The following HMGXB3 variants were observed in gnomAD, a reference collection of about 807,000 sequenced individuals.
The protein encoded by HMGXB3 is HMG-box containing 3.
In HMGXB3, 45 loss-of-function variants were observed where a neutral mutation model predicts 121.5. That is an observed-to-expected ratio of 0.37 (90% CI 0.29 to 0.47). HMGXB3 has a LOEUF of 0.47. Among genes scored for constraint, HMGXB3 ranks in the 20% least tolerant of loss-of-function variants. The probability of loss-of-function intolerance (pLI) is 0.99; values close to 1 mark genes in which losing one functional copy is unlikely to be tolerated. For synonymous variants in HMGXB3, 590 were observed against 624.1 expected, an observed-to-expected ratio of 0.95 and a Z score of 0.81; for missense variants, 1,376 against 1,602.2, an observed-to-expected ratio of 0.86 and a Z score of 2.41.
At chr5:150,033,918 G>A (rs1217096741) in intron 11 of HMGXB3, among the ~76,000 whole-genome samples, 1 of 152,170 alleles carries the variant, frequency 6.6e-6, no homozygotes, top group Non-Finnish European at 1.5e-5. Flanking sequence ...ACCAAAGTAT[G>A]TGGGCACTAA....
chr5:150,041,254 T>A lies in HMGXB3; in HGVS notation c.2545+375T>A, dbSNP rs574473769. On this transcript the variant is annotated intron_variant, in intron 14 of 19. Transcript: ENST00000502717. The stretch of plus-strand genomic sequence containing the variant: ...CTAAGAGTGAGGACCATCCTTTCTG[T>A]CTAGAATATTTTTCCTCCATGCCCT... 4.6e-5 allele frequency among the ~76,000 whole-genome samples: 7 copies of A among 152,304 alleles called. No homozygotes were observed. The South Asian group carries it at 1.4e-3, about 32-fold the overall frequency.
intron 6 of HMGXB3, chr5:150,022,038 C>T: frequency 3.5e-6 from 1 of 281,898 alleles, no homozygotes; most frequent in Admixed American, 4.5e-5. Context: ...ATGACTGTGT[C>T]TTCCTCAAAG....
At chr5:150,041,408 C>G (rs1020197121) in intron 14 of HMGXB3, among the ~76,000 whole-genome samples, 3 of 152,234 alleles carry the variant, frequency 2.0e-5, no homozygotes, top group Non-Finnish European at 4.4e-5. Flanking sequence ...AGTCTTGGCT[C>G]TGCCACTGTT....
At chr5:150,014,914 A>G (rs1581249720) in intron 5 of HMGXB3, 15 of 868,110 alleles carry the variant, frequency 1.7e-5, no homozygotes, top group African/African-American at 3.6e-5. Context: ...CACCTTCGCT[A>G]TCTTCCTGAT....
chr5:150,040,149 T>C (rs928074869), intron 13 of HMGXB3, among the ~76,000 whole-genome samples: 1 of 152,092 alleles, frequency 6.6e-6, no homozygotes, highest in African/African-American at 2.4e-5. Context: ...TTTTTTTTAT[T>C]GGGGGAAAAA....
chr5:150,025,551 CTTGT>C (rs1235249275), intron 7 of HMGXB3, among the ~76,000 whole-genome samples: 1 of 151,580 alleles, frequency 6.6e-6, no homozygotes, highest in Non-Finnish European at 1.5e-5. Context: ...ACTTCTACAT[CTTGT>C]TTTTTATTTT....
rs1213669488 is a variant in HMGXB3, at chr5:150,001,154, G to A, written c.-28G>A. On this transcript the variant is annotated 5_prime_UTR_variant, in exon 1 of 20. Transcript: ENST00000502717. ...GGGCCAAGCGCCTCCGGGAATGTGA[G>A]CGGCGCAGCTTGCACGCTCCTCCGG... The A allele has an allele frequency of 6.5e-6, 1 of 153,256 alleles. No individual in the cohort carries two copies. The highest frequency in any genetic ancestry group is 1.5e-5 in the Non-Finnish European group (1 of 68,238). The allele number at this position is 153,256 out of a possible 1,614,324, so 9.5% of individuals were successfully genotyped here.
At chr5:150,032,747 A>C in intron 11 of HMGXB3, 144 bp downstream of exon 11, 1 of 947,724 alleles carries the variant, frequency 1.1e-6, no homozygotes, top group Non-Finnish European at 1.6e-6. Context: ...TCTGAACCTG[A>C]GCAAGTGCCG....
Position 150,052,118 on chromosome 5 carries a change from C to A in HMGXB3, c.3805C>A (p.Leu1269Ile), listed in dbSNP as rs1446359756. The change falls in exon 20 of 20, where the codon CTT (leucine) becomes ATT (isoleucine). Residue 1269 changes from leucine (L) to isoleucine (I), a missense_variant. Around this residue, in one of 2 missense-constraint regions of HMGXB3, gnomAD observed 260 missense variants for 233.2 expected, o/e 1.11. Coordinates refer to ENST00000502717, the MANE Select transcript of HMGXB3 (RefSeq NM_014983.3). ...EVVIRDTLYR[L>I]GVAQIKTETE... ...GGTCATTCGTGACACCCTCTACCGC[C>A]TTGGGGTTGCTCAGATCAAGACAGA... 2 of 1,551,672 alleles carry A rather than the reference C, an allele frequency of 1.3e-6. No homozygotes were observed. The highest frequency in any genetic ancestry group is 1.7e-6 in the Non-Finnish European group (2 of 1,147,028).
Position 150,041,902 on chromosome 5 carries a change from G to T in HMGXB3, c.2663G>T (p.Gly888Val). 2 of 1,551,776 alleles carry T rather than the reference G, an allele frequency of 1.3e-6. No individual in the cohort carries two copies. The highest frequency in any genetic ancestry group is 1.7e-6 in the Non-Finnish European group (2 of 1,147,002). ...AATGACATGATCTGTGGCATCTGTG[G>T]TGTGGCCCCCAAAGTGGAAATGGCT... ...DYNDMICGIC[G>V]VAPKVEMAQR... The change falls in exon 15 of 20, where the codon GGT becomes GTT. Residue 888 changes from glycine to valine, a missense_variant. Coordinates refer to ENST00000502717, the MANE Select transcript of HMGXB3 (RefSeq NM_014983.3).
Position 150,024,681 on chromosome 5 carries a change from G to C in HMGXB3, c.1460+1G>C. On this transcript the variant is annotated splice_donor_variant, in intron 7 of 19. Transcript: ENST00000502717. LOFTEE classifies it high-confidence loss of function. ...TCCCTGCTCCTAAAAAACCTACAGG[G>C]TAAGTCAGTGTGTTTGTATAATATA... is the stretch of plus-strand genomic sequence containing the variant. 1 of 1,536,738 alleles carries C rather than the reference G, an allele frequency of 6.5e-7. No individual in the cohort carries two copies. Among genetic ancestry groups the C allele is most frequent in the Non-Finnish European group, 8.8e-7 (1 of 1,139,764 alleles).
intron 18 of HMGXB3, among the ~76,000 whole-genome samples, chr5:150,048,985 A>T (rs1175735159): frequency 1.3e-5 from 2 of 152,198 alleles, no homozygotes; most frequent in Non-Finnish European, 2.9e-5. Flanking sequence ...TTAGTGGGGA[A>T]ATAAAGTCAC....
chr5:150,046,772 A>G (rs1026020935), intron 16 of HMGXB3, among the ~76,000 whole-genome samples: 1 of 151,974 alleles, frequency 6.6e-6, no homozygotes, highest in East Asian at 2.0e-4. Flanking sequence ...AGATCGCGCC[A>G]CTGCACTCCA....
Position 150,040,844 on chromosome 5 carries a change from T to C in HMGXB3, c.2510T>C (p.Ile837Thr). The change falls in exon 14 of 20, where the codon ATC becomes ACC. Residue 837 changes from isoleucine (I) to threonine (T), a missense_variant. Ile to Thr is a moderately conservative substitution (Grantham distance 89, BLOSUM62 -1). This residue lies in a region of HMGXB3 where 1,116 missense variants were observed against 1,369.0 expected (regional missense o/e 0.82). Transcript: ENST00000502717. ...IKLGEDPRVS[I>T]NVVLKSVQEQ... ...CTCGGAGAGGACCCCAGAGTGTCCA[T>C]CAATGTTGTTCTGAAGTCGGTGCAG... is the stretch of plus-strand genomic sequence containing the variant. 6.4e-7 allele frequency: 1 copy of C among 1,551,314 alleles called. No individual in the cohort carries two copies. The highest frequency in any genetic ancestry group is 8.7e-7 in the Non-Finnish European group (1 of 1,146,836).
intron 6 of HMGXB3, chr5:150,021,621 A>G: frequency 1.9e-6 from 1 of 515,138 alleles, no homozygotes. Context: ...TACTGATGGA[A>G]GTAATTTGCT....
At chr5:150,046,594 C>T (rs1015986871) in intron 16 of HMGXB3, among the ~76,000 whole-genome samples, 1 of 152,046 alleles carries the variant, frequency 6.6e-6, no homozygotes, top group African/African-American at 2.4e-5. Flanking sequence ...GGGCGGATCA[C>T]GAGGTCAGGA....
intron 4 of HMGXB3, 99 bp downstream of exon 4, chr5:150,010,707 G>A: frequency 8.4e-7 from 1 of 1,191,974 alleles, no homozygotes; most frequent in Non-Finnish European, 1.2e-6. Context: ...GTAATCAAGA[G>A]TACTGGTGTG....
chr5:150,017,480 G>A (rs1755983835), intron 5 of HMGXB3, among the ~76,000 whole-genome samples: 1 of 152,036 alleles, frequency 6.6e-6, no homozygotes. Context: ...AGAAACTCAG[G>A]GCCCAAGAGT....
rs1341461043 is a variant in HMGXB3, at chr5:150,008,302, A to G, written c.312+1655A>G. On this transcript the variant is annotated intron_variant, in intron 3 of 19. Coordinates refer to ENST00000502717, the MANE Select transcript of HMGXB3 (RefSeq NM_014983.3). Reference sequence around the variant, plus strand: ...CAAGAACATGAGTAGGTTAGTTCTGATAATAGCTGAGTGACCATTTTAACT... The same window carrying G: ...CAAGAACATGAGTAGGTTAGTTCTGGTAATAGCTGAGTGACCATTTTAACT... Among the ~76,000 whole-genome samples, 3 of 150,898 alleles carry G rather than the reference A, an allele frequency of 2.0e-5. No homozygotes were observed. The East Asian group carries it at 5.8e-4, about 29-fold the overall frequency.
Sources: allele counts gnomAD v4.1 joint callset (sites outside exome capture counted in the v4.1 genomes callset), GRCh38; gene constraint gnomAD v4.1.1; regional missense constraint gnomAD v4.1.1; transcripts MANE v1.5; gene names NCBI Gene and HGNC (gene_info 2026-07-23, HGNC 2026-07-21).